ZFPM2: variants seen among roughly 807,000 people sequenced by gnomAD.
ZFPM2 encodes the protein zinc finger protein, FOG family member 2, also known as zinc finger protein ZFPM2.
ZFPM2 carries 20 observed loss-of-function variants against 98.6 expected under a neutral mutation model. That is an observed-to-expected ratio of 0.20 (90% CI 0.14 to 0.29). The LOEUF (loss-of-function observed/expected upper bound fraction) is 0.29, where lower values mean the gene tolerates loss of function less well. ZFPM2 is among the 10% of genes least tolerant of loss of function. The pLI, the probability that ZFPM2 is intolerant of heterozygous loss-of-function variation, is 1.00. For missense variants in ZFPM2, 1,310 were observed against 1,388.6 expected (o/e 0.94, Z 0.90); for synonymous variants, 518 against 502.7 (o/e 1.03, Z -0.41).
At chr8:105,384,958 T>C (rs1300630409) in intron 1 of ZFPM2, among the ~76,000 whole-genome samples, 1 of 152,110 alleles carries the variant, frequency 6.6e-6, no homozygotes, top group East Asian at 1.9e-4. Context: ...CTAACAAAAG[T>C]CTCACACAGT....
chr8:105,334,468 T>A (rs1812290849), intron 1 of ZFPM2, among the ~76,000 whole-genome samples: 1 of 151,654 alleles, frequency 6.6e-6, no homozygotes. Flanking sequence ...AAAGAAATAA[T>A]GCAGAGAAAA....
intron 5 of ZFPM2, among the ~76,000 whole-genome samples, chr8:105,752,809 CT>C (rs961548871): frequency 1.3e-5 from 2 of 151,782 alleles, no homozygotes; most frequent in African/African-American, 2.4e-5. Flanking sequence ...AATAGAAAAC[CT>C]TTTTTTCCCT....
chr8:105,326,411 T>G (rs971478298), intron 1 of ZFPM2, among the ~76,000 whole-genome samples: 2 of 151,748 alleles, frequency 1.3e-5, no homozygotes, highest in African/African-American at 4.8e-5. Context: ...TTTAGGATTA[T>G]GGGCACTAAA....
In ZFPM2 at chr8:105,803,277, G is replaced by GAACA; in HGVS notation, c.3197_3198insCAAA (p.Pro1067LysfsTer16). 6.3e-7 allele frequency: 1 copy of GAACA among 1,597,054 alleles called. No homozygotes were observed. Among genetic ancestry groups the GAACA allele is most frequent in the Non-Finnish European group, 8.5e-7 (1 of 1,170,970 alleles). The stretch of plus-strand genomic sequence containing the variant: ...ACCCACAGCAAGAGAACATTTCCCA[G>GAACA]AATCCTCAGCACGAAGACGACCACA... On this transcript the variant is annotated frameshift_variant, in exon 8 of 8. Coordinates refer to ENST00000407775, the MANE Select transcript of ZFPM2 (RefSeq NM_012082.4). LOFTEE classifies it high-confidence loss of function.
At chr8:105,639,502 A>G (rs1178825706) in intron 5 of ZFPM2, among the ~76,000 whole-genome samples, 5 of 152,020 alleles carry the variant, frequency 3.3e-5, no homozygotes, top group East Asian at 1.9e-4. Context: ...ATATTTCTTT[A>G]TATGCGAAGC....
At chr8:105,352,973 A>C (rs1193783439) in intron 1 of ZFPM2, among the ~76,000 whole-genome samples, 1 of 152,126 alleles carries the variant, frequency 6.6e-6, no homozygotes, top group African/African-American at 2.4e-5. Flanking sequence ...CAATATGTAA[A>C]AATAAGATAA....
At chr8:105,412,104 C>T (rs1273238635) in intron 1 of ZFPM2, among the ~76,000 whole-genome samples, 1 of 151,816 alleles carries the variant, frequency 6.6e-6, no homozygotes, top group African/African-American at 2.4e-5. Context: ...ATACCACCAT[C>T]TATAAAAATG....
At chr8:105,605,226 A>G (rs1393163336) in intron 4 of ZFPM2, among the ~76,000 whole-genome samples, 3 of 152,134 alleles carry the variant, frequency 2.0e-5, no homozygotes, top group African/African-American at 7.2e-5. Context: ...TCCTGACTTC[A>G]TCACTCTCTC....
chr8:105,515,511 G>A (rs1813900311), intron 3 of ZFPM2, among the ~76,000 whole-genome samples: 1 of 152,060 alleles, frequency 6.6e-6, no homozygotes, highest in Non-Finnish European at 1.5e-5. Context: ...CCACTCTTTT[G>A]TTTTGCTTTG....
In ZFPM2 at chr8:105,318,960, A is replaced by T; in HGVS notation, c.19A>T (p.Ser7Cys). The stretch of plus-strand genomic sequence containing the variant: ...CGCCGAGATGTCCCGGCGAAAGCAA[A>T]GCAAACCCCGGCAGATCAAACGTAA... MSRRKQ[S>C]KPRQIKRPLE... The change falls in exon 1 of 8, where the codon AGC becomes TGC. Residue 7 changes from serine (S) to cysteine (C), a missense_variant. Physicochemically the swap from Ser to Cys is moderately radical, Grantham distance 112. Transcript: ENST00000407775. 6.8e-7 allele frequency: 1 copy of T among 1,475,740 alleles called. No individual in the cohort carries two copies. Among genetic ancestry groups the T allele is most frequent in the Non-Finnish European group, 9.1e-7 (1 of 1,104,348 alleles). 91.4% of individuals were successfully genotyped at this position (1,475,740 alleles called of 1,614,324 possible). A position where few individuals can be genotyped will look rare whatever the true frequency, so the allele number is the denominator to read the frequency against.
intron 5 of ZFPM2, among the ~76,000 whole-genome samples, chr8:105,747,009 G>A (rs1208745245): frequency 6.6e-6 from 1 of 151,708 alleles, no homozygotes; most frequent in African/African-American, 2.4e-5. Flanking sequence ...AACACTGGGG[G>A]AAAAAAACTT....
intron 3 of ZFPM2, among the ~76,000 whole-genome samples, chr8:105,559,133 T>G (rs560304784): frequency 6.6e-6 from 1 of 152,196 alleles, no homozygotes; most frequent in Admixed American, 6.5e-5. Context: ...TCCAATGCAT[T>G]AATCAAAAAG....
intron 5 of ZFPM2, among the ~76,000 whole-genome samples, chr8:105,768,651 CA>C (rs949932526): frequency 5.9e-5 from 9 of 151,928 alleles, no homozygotes; most frequent in African/African-American, 2.2e-4. Flanking sequence ...TCCATTCACA[CA>C]ATTTAGAATC....
chr8:105,514,579 G>A (rs1459182134), intron 3 of ZFPM2, among the ~76,000 whole-genome samples: 1 of 152,042 alleles, frequency 6.6e-6, no homozygotes, highest in Non-Finnish European at 1.5e-5. Context: ...ACTATAAACA[G>A]CGCATTGCTT....
At chr8:105,424,397 T>C (rs115999624) in intron 2 of ZFPM2, among the ~76,000 whole-genome samples, 2,479 of 152,130 alleles carry the variant, frequency 0.016, 64 homozygotes, top group African/African-American at 0.057. Flanking sequence ...AATAATGCCC[T>C]AGAGAAATGA....
intron 3 of ZFPM2, among the ~76,000 whole-genome samples, chr8:105,546,512 T>TGAGC (rs1814703190): frequency 7.0e-6 from 1 of 143,760 alleles, no homozygotes. Context: ...GAGGTTGCTG[T>TGAGC]GAGCCAAGAC....
intron 1 of ZFPM2, 70 bp from the exon 2 acceptor site, chr8:105,419,074 C>T: frequency 2.0e-6 from 3 of 1,485,474 alleles, no homozygotes; most frequent in Non-Finnish European, 2.7e-6. Context: ...AAAAAAGGCT[C>T]TATTTAAGGA....
intron 5 of ZFPM2, among the ~76,000 whole-genome samples, chr8:105,755,684 G>A (rs1009557252): frequency 4.6e-5 from 7 of 151,896 alleles, no homozygotes; most frequent in African/African-American, 1.7e-4. Context: ...ATAATACATT[G>A]CCAGAATCCA....
chr8:105,726,593 T>C (rs943885433), intron 5 of ZFPM2, among the ~76,000 whole-genome samples: 4 of 151,934 alleles, frequency 2.6e-5, no homozygotes, highest in African/African-American at 9.6e-5. Flanking sequence ...GTGCAAGTAC[T>C]GGTCAAGGCG....
Sources: allele counts gnomAD v4.1 joint callset (sites outside exome capture counted in the v4.1 genomes callset), GRCh38; gene constraint gnomAD v4.1.1; transcripts MANE v1.5; gene names NCBI Gene and HGNC (gene_info 2026-07-23, HGNC 2026-07-21).